PPARD: variants seen among roughly 807,000 people sequenced by gnomAD.
The protein encoded by PPARD is peroxisome proliferator-activated receptor delta.
A neutral mutation model predicts 39.5 loss-of-function variants in PPARD; 6 were observed. The ratio of observed to expected loss-of-function variants is 0.15; its 90% CI spans 0.08 to 0.30. PPARD has a LOEUF of 0.30. PPARD is among the 10% of genes least tolerant of loss of function. PPARD has a pLI of 1.00. For missense variants in PPARD, 397 were observed against 596.8 expected, an observed-to-expected ratio of 0.67 and a Z score of 3.49; for synonymous variants, 210 against 231.3, an observed-to-expected ratio of 0.91 and a Z score of 0.83.
chr6:35,396,013 G>A (rs1337278442), intron 2 of PPARD, among the ~76,000 whole-genome samples: 1 of 152,108 alleles, frequency 6.6e-6, no homozygotes, highest in Non-Finnish European at 1.5e-5. Flanking sequence ...AAGAAGAGTT[G>A]TAGAAGGTCT....
At chr6:35,362,201 C>T (rs1333292678) in intron 2 of PPARD, among the ~76,000 whole-genome samples, 1 of 151,910 alleles carries the variant, frequency 6.6e-6, no homozygotes, top group Non-Finnish European at 1.5e-5. Context: ...TTGTGACTTG[C>T]CTTTCCCATT....
chr6:35,363,037 G>A lies in PPARD; in HGVS notation c.-102+15887G>A, dbSNP rs2150501349. ...AGTAGGCAGGGATCCGAGCATAGAG[G>A]AAGATGTTCCATGCATCAGTAACTC... On this transcript the variant is annotated intron_variant, in intron 2 of 7. Coordinates refer to ENST00000360694, the MANE Select transcript of PPARD (RefSeq NM_006238.5). The surrounding 1 kb of genome is among the most constrained non-coding windows in gnomAD (Gnocchi z 4.5). Among the ~76,000 whole-genome samples the A allele has an allele frequency of 6.6e-6, 1 of 152,314 alleles. No homozygotes were observed. The highest frequency in any genetic ancestry group is 1.9e-4 in the East Asian group (1 of 5,190).
chr6:35,388,217 A>G (rs1003598315), intron 2 of PPARD, among the ~76,000 whole-genome samples: 2 of 152,122 alleles, frequency 1.3e-5, no homozygotes, highest in Non-Finnish European at 2.9e-5. Flanking sequence ...GTTGGGGCTC[A>G]TTTAATGCAG....
chr6:35,389,381 G>T (rs897011182), intron 2 of PPARD, among the ~76,000 whole-genome samples: 1 of 151,892 alleles, frequency 6.6e-6, no homozygotes, highest in South Asian at 2.1e-4. Context: ...GCACTATCTC[G>T]GCTCACTGCA....
chr6:35,355,939 C>T (rs746102614), intron 2 of PPARD, among the ~76,000 whole-genome samples: 8 of 151,024 alleles, frequency 5.3e-5, no homozygotes, highest in African/African-American at 9.7e-5. Flanking sequence ...TTTTTTTAAT[C>T]GGGCAGCCCT....
intron 2 of PPARD, among the ~76,000 whole-genome samples, chr6:35,387,233 G>C (rs920123259): frequency 6.6e-6 from 1 of 151,896 alleles, no homozygotes; most frequent in Non-Finnish European, 1.5e-5. Context: ...TCTTCTCTCT[G>C]CTTTGACTTG....
chr6:35,360,888 A>G (rs574148742), intron 2 of PPARD, among the ~76,000 whole-genome samples: 1 of 152,332 alleles, frequency 6.6e-6, no homozygotes, highest in East Asian at 1.9e-4. Context: ...AGGCAGGCAT[A>G]GATGGCATCT....
At chr6:35,374,615 G>A (rs561757427) in intron 2 of PPARD, among the ~76,000 whole-genome samples, 5 of 146,966 alleles carry the variant, frequency 3.4e-5, no homozygotes, top group African/African-American at 7.7e-5. Flanking sequence ...CTGAGATCGC[G>A]CCCCTGCACT....
intron 1 of PPARD, among the ~76,000 whole-genome samples, 174 bp downstream of exon 1, chr6:35,342,855 C>T (rs1791926796): frequency 6.6e-6 from 1 of 152,290 alleles, no homozygotes; most frequent in East Asian, 1.9e-4. Context: ...CGGCCCGCTC[C>T]GGTCAGCCGT....
At chr6:35,403,419 C>T (rs1764827086) in intron 2 of PPARD, among the ~76,000 whole-genome samples, 1 of 152,084 alleles carries the variant, frequency 6.6e-6, no homozygotes, top group African/African-American at 2.4e-5. Flanking sequence ...TGAACCCAGG[C>T]CTGACTGAAG....
chr6:35,423,695 G>T (rs537502964), intron 5 of PPARD, among the ~76,000 whole-genome samples: 2 of 152,112 alleles, frequency 1.3e-5, no homozygotes, highest in African/African-American at 2.4e-5. Context: ...GTCCTTGTGT[G>T]CTGGGCACTG....
chr6:35,353,177 TTGTACTC>T (rs1761364605), intron 2 of PPARD, among the ~76,000 whole-genome samples: 1 of 152,198 alleles, frequency 6.6e-6, no homozygotes, highest in African/African-American at 2.4e-5. Context: ...GTGAAGGAAT[TTGTACTC>T]TGTTCTTTGG....
intron 2 of PPARD, among the ~76,000 whole-genome samples, chr6:35,385,387 T>TC (rs1195322604): frequency 6.7e-6 from 1 of 149,710 alleles, no homozygotes; most frequent in Admixed American, 6.6e-5. Context: ...GTTAAACGGA[T>TC]TAAGGGCGGT....
At chr6:35,347,584 AAT>A (rs112387803) in intron 2 of PPARD, among the ~76,000 whole-genome samples, 4,585 of 146,796 alleles carry the variant, frequency 0.031, 173 homozygotes, top group African/African-American at 0.085. Flanking sequence ...TTAGGGGGCA[AAT>A]ATATATATAT....
chr6:35,380,459 GTT>G (rs11334296), intron 2 of PPARD, among the ~76,000 whole-genome samples: 7,381 of 97,134 alleles, frequency 0.076, 793 homozygotes, highest in African/African-American at 0.23. Context: ...TTAACCTCGT[GTT>G]TTTTTTTTTT....
chr6:35,373,072 T>C (rs570876971), intron 2 of PPARD, among the ~76,000 whole-genome samples: 14 of 152,358 alleles, frequency 9.2e-5, no homozygotes, highest in Admixed American at 8.5e-4. Flanking sequence ...GGATGAATGC[T>C]GTGTCCTTAC....
chr6:35,425,896 C>T lies in PPARD; in HGVS notation c.1143C>T (p.Leu381=), dbSNP rs201764649. 43 of 1,614,152 alleles carry T rather than the reference C, an allele frequency of 2.7e-5. No homozygotes were observed. The highest frequency in any genetic ancestry group is 2.2e-4 in the Admixed American group (13 of 60,012). The change falls in exon 8 of 8, where the codon CTC becomes CTT. Residue 381 remains leucine (L), a synonymous_variant. Transcript: ENST00000360694. The surrounding 1 kb of genome is among the most constrained non-coding windows in gnomAD (Gnocchi z 4.5). The part of the protein sequence containing the change: ...EAIQDTILRA[L]EFHLQANHPD... ...TCCAGGACACCATCCTGCGTGCCCT[C>T]GAATTCCACCTGCAGGCCAACCACC... is the stretch of plus-strand genomic sequence containing the variant.
At chr6:35,361,977 A>T (rs1025806701) in intron 2 of PPARD, among the ~76,000 whole-genome samples, 4 of 152,248 alleles carry the variant, frequency 2.6e-5, no homozygotes, top group African/African-American at 9.6e-5. Context: ...TTTTTAATTT[A>T]GTTAAAAATG....
intron 2 of PPARD, among the ~76,000 whole-genome samples, chr6:35,355,274 A>G (rs1463982317): frequency 1.3e-5 from 2 of 151,806 alleles, no homozygotes; most frequent in Non-Finnish European, 2.9e-5. Context: ...TCATGGGGAA[A>G]CCCCATCTAT....
Sources: allele counts gnomAD v4.1 joint callset (sites outside exome capture counted in the v4.1 genomes callset), GRCh38; gene constraint gnomAD v4.1.1; non-coding constraint Gnocchi (gnomAD v3.1); transcripts MANE v1.5; gene names NCBI Gene and HGNC (gene_info 2026-07-23, HGNC 2026-07-21).